MYO3A: variants seen among roughly 807,000 people sequenced by gnomAD.
MYO3A encodes the protein myosin-IIIa.
MYO3A carries 180 observed loss-of-function variants against 192.7 expected under a neutral mutation model. The ratio of observed to expected loss-of-function variants is 0.93; its 90% confidence interval spans 0.83 to 1.06. The LOEUF (loss-of-function observed/expected upper bound fraction) is 1.06, where lower values mean the gene tolerates loss of function less well. MYO3A is among the 50% of genes least tolerant of loss of function. The pLI is 0.00. For missense variants in MYO3A, 1,896 were observed against 1,905.0 expected (o/e 1.00, Z 0.09); for synonymous variants, 628 against 645.3 (o/e 0.97, Z 0.41).
intron 7 of MYO3A, among the ~76,000 whole-genome samples, chr10:26,019,769 C>T (rs1326441853): frequency 6.6e-6 from 1 of 152,144 alleles, no homozygotes; most frequent in East Asian, 1.9e-4. Context: ...TATGTATAGA[C>T]CACATTATGT....
At position 26,154,859 on chromosome 10, in the gene MYO3A, G is replaced by T. The variant is rs1390908237; in HGVS notation, c.2793+36G>T. Reference sequence around the variant, plus strand: ...AAACTATGATGTATTGTGCTTAGGGGTGCTATTTAGTCTAAATGAGTTACA... The same window carrying T: ...AAACTATGATGTATTGTGCTTAGGGTTGCTATTTAGTCTAAATGAGTTACA... On this transcript the variant is annotated intron_variant, in intron 25 of 34. Transcript: ENST00000642920. 10 of 1,543,412 alleles carry T rather than the reference G, an allele frequency of 6.5e-6. No individual in the cohort carries two copies. The South Asian group carries it at 8.1e-5, about 12-fold the overall frequency.
At chr10:26,121,638 T>C (rs1015988789) in intron 18 of MYO3A, among the ~76,000 whole-genome samples, 7 of 152,080 alleles carry the variant, frequency 4.6e-5, no homozygotes, top group African/African-American at 7.2e-5. Flanking sequence ...TAGTCTCAGC[T>C]ACTCGAGGAG....
rs142853143 is a variant in MYO3A, at chr10:26,174,202, G to A, written c.3938G>A (p.Arg1313His). The change falls in exon 30 of 35, where the codon CGT (arginine) becomes CAT (histidine). Residue 1313 changes from arginine to histidine, a missense_variant. Transcript: ENST00000642920. The part of the protein sequence containing the change: ...KEKKTSVVTQ[R>H]APICSQEEGR... ...AAGAAGACATCTGTAGTTACCCAGC[G>A]TGCACCGATATGCAGCCAGGAGGAA... 30 of 1,614,086 alleles carry A rather than the reference G, an allele frequency of 1.9e-5. No individual in the cohort carries two copies. The highest frequency in any genetic ancestry group is 8.0e-5 in the African/African-American group (6 of 74,930).
rs566073304 is a variant in MYO3A at position 26,206,739 on chromosome 10, G to A, written c.4730+3632G>A. Among the ~76,000 whole-genome samples the A allele has an allele frequency of 4.1e-4, 62 of 152,278 alleles. 1 individual carries two copies. Among genetic ancestry groups the A allele is most frequent in the African/African-American group, 1.3e-3 (54 of 41,554 alleles). ...GCTGGGATTACAGGCGTGAGCCACC[G>A]CGCCCAGCCTGATTTTAATTTTTTA... On this transcript the variant is annotated intron_variant, in intron 34 of 34. Coordinates refer to ENST00000642920, the MANE Select transcript of MYO3A (RefSeq NM_017433.5).
At chr10:25,980,009 G>C (rs929645987) in intron 4 of MYO3A, among the ~76,000 whole-genome samples, 4 of 152,150 alleles carry the variant, frequency 2.6e-5, no homozygotes, top group Admixed American at 1.3e-4. Flanking sequence ...GGCCAAGGCG[G>C]GTGGATCATG....
chr10:25,985,387 T>C (rs1201660142), intron 4 of MYO3A, among the ~76,000 whole-genome samples: 1 of 149,546 alleles, frequency 6.7e-6, no homozygotes, highest in African/African-American at 2.5e-5. Context: ...TAAATGGAAT[T>C]GAAACAAACA....
intron 31 of MYO3A, 35 bp from the exon 32 acceptor site, chr10:26,193,170 A>T: frequency 7.1e-7 from 1 of 1,407,486 alleles, no homozygotes; most frequent in Non-Finnish European, 1.0e-6. Context: ...TAGTATTTGT[A>T]ATTAAATACT....
At chr10:26,201,677 G>C (rs1460596490) in intron 33 of MYO3A, among the ~76,000 whole-genome samples, 7 of 146,000 alleles carry the variant, frequency 4.8e-5, no homozygotes, top group Admixed American at 2.8e-4. Flanking sequence ...TCGACTGGGC[G>C]AGACTCCGTC....
chr10:26,132,222 C>T (rs150450550), intron 20 of MYO3A, among the ~76,000 whole-genome samples: 1 of 152,302 alleles, frequency 6.6e-6, no homozygotes, highest in African/African-American at 2.4e-5. Context: ...TAACAGTAAT[C>T]AAACTGTGAT....
At chr10:26,195,203 G>C (rs1279055131) in intron 32 of MYO3A, among the ~76,000 whole-genome samples, 1 of 151,906 alleles carries the variant, frequency 6.6e-6, no homozygotes, top group East Asian at 1.9e-4. Flanking sequence ...GGTCTTTTGT[G>C]AATAGTCAAC....
At chr10:25,935,033 C>T (rs993439555) in intron 1 of MYO3A, among the ~76,000 whole-genome samples, 4 of 152,018 alleles carry the variant, frequency 2.6e-5, no homozygotes, top group African/African-American at 7.3e-5. Flanking sequence ...CGCGCGCGGG[C>T]TTTGCGGCGC....
At chr10:26,193,119 T>C in intron 31 of MYO3A, 86 bp from the exon 32 acceptor site, 2 of 1,095,738 alleles carry the variant, frequency 1.8e-6, no homozygotes, top group South Asian at 1.3e-5. Flanking sequence ...CATATGTGTA[T>C]AATTTCTTAT....
At position 25,994,210 on chromosome 10, in the gene MYO3A, G is replaced by A. The variant is rs571865298; in HGVS notation, c.304-2280G>A. Among the ~76,000 whole-genome samples the A allele has an allele frequency of 2.7e-4, 41 of 151,992 alleles. No individual in the cohort carries two copies. The South Asian group carries it at 3.1e-3, about 12-fold the overall frequency. ...ATCTGGGTGCTCCTGTATTGGGTGC[G>A]TATATATTTAGGATAGTTAGCTCTT... On this transcript the variant is annotated intron_variant, in intron 4 of 34. Coordinates refer to ENST00000642920, the MANE Select transcript of MYO3A (RefSeq NM_017433.5).
Position 25,981,859 on chromosome 10 carries a change from A to G in MYO3A, c.304-14631A>G, listed in dbSNP as rs138310897. Among the ~76,000 whole-genome samples the G allele has an allele frequency of 4.9e-3, 744 of 152,346 alleles. 7 individuals are homozygous for G. Among genetic ancestry groups the G allele is most frequent in the African/African-American group, 0.017 (705 of 41,592 alleles). ...CACATCATGAAGTTTTACTCCAAGA[A>G]CTACCTACCACAGGAATATACCAGG... On this transcript the variant is annotated intron_variant, in intron 4 of 34. Coordinates refer to ENST00000642920, the MANE Select transcript of MYO3A (RefSeq NM_017433.5).
At chr10:26,081,157 C>G (rs898326274) in intron 14 of MYO3A, among the ~76,000 whole-genome samples, 2 of 143,696 alleles carry the variant, frequency 1.4e-5, no homozygotes, top group Admixed American at 6.9e-5. Context: ...CCCCCGCTAC[C>G]AGGGTGGGTA....
At chr10:25,989,935 CT>C (rs2130851821) in intron 4 of MYO3A, among the ~76,000 whole-genome samples, 1 of 152,226 alleles carries the variant, frequency 6.6e-6, no homozygotes, top group South Asian at 2.1e-4. Context: ...ATGGCAAAGG[CT>C]GAAGTATTAA....
rs1205681069 is a variant in MYO3A at position 26,166,193 on chromosome 10, T to C, written c.3111+15T>C. On this transcript the variant is annotated intron_variant, in intron 27 of 34. Coordinates refer to ENST00000642920, the MANE Select transcript of MYO3A (RefSeq NM_017433.5). ...GAAAAACAAAAGTAATGTTTTCATG[T>C]AATTTTCAGGAAAATAAATAATTAT... The C allele has an allele frequency of 1.9e-6, 3 of 1,562,602 alleles. No homozygotes were observed. Among genetic ancestry groups the C allele is most frequent in the South Asian group, 2.2e-5 (2 of 90,006 alleles).
At chr10:26,010,473 T>G (rs12221251) in intron 6 of MYO3A, among the ~76,000 whole-genome samples, 1 of 113,954 alleles carries the variant, frequency 8.8e-6, no homozygotes, top group Non-Finnish European at 1.7e-5. Context: ...TTTTTTTTTG[T>G]TTTGTTTTTT....
intron 2 of MYO3A, among the ~76,000 whole-genome samples, chr10:25,950,912 A>G (rs926807872): frequency 1.3e-5 from 2 of 152,162 alleles, no homozygotes; most frequent in Non-Finnish European, 2.9e-5. Flanking sequence ...GGGCTACCAG[A>G]AGTGCTAAGA....
Sources: gnomAD v4.1 joint callset for allele counts (sites outside exome capture counted in the v4.1 genomes callset) on GRCh38, gnomAD v4.1.1 for gene constraint, MANE v1.5 for transcripts, NCBI Gene and HGNC (gene_info 2026-07-23, HGNC 2026-07-21) for gene names.